Variants in HSD17B3 observed in about 807,000 individuals in gnomAD.
HSD17B3 encodes the protein 17-beta-hydroxysteroid dehydrogenase type 3.
HSD17B3 carries 29 observed loss-of-function variants against 41.1 expected under a neutral mutation model. That is an observed-to-expected ratio of 0.71 (90% CI 0.53 to 0.96). The LOEUF (loss-of-function observed/expected upper bound fraction) is 0.96, where lower values mean the gene tolerates loss of function less well. HSD17B3 is among the 40% of genes least tolerant of loss of function. The probability of loss-of-function intolerance (pLI) is 0.00; values close to 1 mark genes in which losing one functional copy is unlikely to be tolerated. For synonymous variants in HSD17B3, 126 were observed against 145.6 expected, an observed-to-expected ratio of 0.87 and a Z score of 0.97; for missense variants, 323 against 374.6, an observed-to-expected ratio of 0.86 and a Z score of 1.14.
At chr9:96,282,824 G>A (rs568852787) in intron 2 of HSD17B3, among the ~76,000 whole-genome samples, 1 of 152,200 alleles carries the variant, frequency 6.6e-6, no homozygotes, top group South Asian at 2.1e-4. Flanking sequence ...GGATTTTTCT[G>A]CCTGGATTAA....
In HSD17B3 at chr9:96,277,835, GCACA is replaced by G. The variant is rs3222260; in HGVS notation, c.201+20577_201+20580del. On this transcript the variant is annotated intron_variant, in intron 2 of 10. Coordinates refer to ENST00000375263, the MANE Select transcript of HSD17B3 (RefSeq NM_000197.2). ...TTAACAGATGAATAAGGAAAATGTGGCACACACACACACACACACACACACACAC... is the reference window on the plus strand; with the variant it reads ...TTAACAGATGAATAAGGAAAATGTGGCACACACACACACACACACACACAC... Among the ~76,000 whole-genome samples the G allele has an allele frequency of 6.8e-3, 992 of 145,976 alleles. 14 individuals are homozygous for G. Among genetic ancestry groups the G allele is most frequent in the East Asian group, 0.056 (282 of 5,012 alleles).
At chr9:96,301,864 G>C in intron 1 of HSD17B3, 87 bp downstream of exon 1, 3 of 1,439,408 alleles carry the variant, frequency 2.1e-6, no homozygotes, top group Admixed American at 1.7e-5. Context: ...CTGGGTGACA[G>C]AGCAAGTGTC....
At chr9:96,297,083 A>G (rs1827389121) in intron 2 of HSD17B3, among the ~76,000 whole-genome samples, 1 of 151,794 alleles carries the variant, frequency 6.6e-6, no homozygotes, top group African/African-American at 2.4e-5. Context: ...CAACTAATGT[A>G]ACATTTAAAA....
At chr9:96,269,625 C>T (rs1468224987) in intron 2 of HSD17B3, among the ~76,000 whole-genome samples, 4 of 152,036 alleles carry the variant, frequency 2.6e-5, no homozygotes, top group South Asian at 2.1e-4. Flanking sequence ...CAGATTAGGC[C>T]GGGTGTGATG....
At chr9:96,250,379 C>A (rs1261123315) in intron 5 of HSD17B3, 1 of 1,071,272 alleles carries the variant, frequency 9.3e-7, no homozygotes, top group African/African-American at 1.6e-5. Context: ...GATGTGTGGT[C>A]CAGAGAGGAG....
At chr9:96,243,187 T>A (rs892400607) in intron 9 of HSD17B3, among the ~76,000 whole-genome samples, 1 of 152,202 alleles carries the variant, frequency 6.6e-6, no homozygotes, top group Non-Finnish European at 1.5e-5. Context: ...TAGGGGTTAT[T>A]TTTTTACTGC....
chr9:96,249,790 TAATA>T lies in HSD17B3; in HGVS notation c.454-8_454-5del. The T allele has an allele frequency of 6.2e-7, 1 of 1,614,144 alleles. No individual in the cohort carries two copies. The highest frequency in any genetic ancestry group is 2.2e-5 in the East Asian group (1 of 44,882). The stretch of plus-strand genomic sequence containing the variant: ...TGATGTTACAATGGATGAGGCTCTG[TAATA>T]AATAATCACAACCACACATCAGCCG... On this transcript the variant is annotated splice_polypyrimidine_tract_variant and splice_region_variant and intron_variant, in intron 5 of 10. Transcript: ENST00000375263.
chr9:96,276,930 G>A (rs908608273), intron 2 of HSD17B3, among the ~76,000 whole-genome samples: 8 of 152,166 alleles, frequency 5.3e-5, no homozygotes, highest in South Asian at 2.1e-4. Context: ...GGCCAGGTGC[G>A]GTGGCTCACA....
chr9:96,268,073 C>T (rs538842718), intron 2 of HSD17B3, among the ~76,000 whole-genome samples: 66 of 152,184 alleles, frequency 4.3e-4, no homozygotes, highest in Admixed American at 1.0e-3. Flanking sequence ...AACAGGTGCA[C>T]GCCACCACGC....
chr9:96,299,192 A>G (rs1376776415), intron 1 of HSD17B3, among the ~76,000 whole-genome samples: 3 of 152,220 alleles, frequency 2.0e-5, no homozygotes, highest in African/African-American at 7.2e-5. Flanking sequence ...ACAATTCGGT[A>G]TATCGTAAAA....
At chr9:96,245,301 TA>T (rs1257710402) in intron 8 of HSD17B3, 43 bp downstream of exon 8, 70 of 1,462,182 alleles carry the variant, frequency 4.8e-5, no homozygotes, top group Non-Finnish European at 6.4e-5. Flanking sequence ...CTGGGAGAAA[TA>T]AGAGGAAGAA....
chr9:96,239,764 G>C (rs544159009), intron 10 of HSD17B3: 2 of 152,320 alleles, frequency 1.3e-5, no homozygotes, highest in South Asian at 2.1e-4. Flanking sequence ...TGGGACTGGA[G>C]TCAGAGCTAT....
At chr9:96,261,901 T>G (rs1825875436) in intron 2 of HSD17B3, among the ~76,000 whole-genome samples, 1 of 152,112 alleles carries the variant, frequency 6.6e-6, no homozygotes, top group African/African-American at 2.4e-5. Flanking sequence ...GTCCTAGCTG[T>G]GGGGAGGGGA....
In HSD17B3 at chr9:96,285,079, T is replaced by A. The variant is rs1416761863; in HGVS notation, c.201+13337A>T. Among the ~76,000 whole-genome samples, 5 of 152,184 alleles carry A rather than the reference T, an allele frequency of 3.3e-5. No individual in the cohort carries two copies. In the East Asian group the frequency reaches 7.7e-4, roughly 23 times the overall value. ...GTCTTGAGCTCCTCATCTCAAGTGA[T>A]CTGCCTGCCTCAGCCTCCCTAAGTG... On this transcript the variant is annotated intron_variant, in intron 2 of 10. Transcript: ENST00000375263.
chr9:96,270,332 T>C (rs915305394), intron 2 of HSD17B3, among the ~76,000 whole-genome samples: 19 of 152,120 alleles, frequency 1.2e-4, no homozygotes, highest in African/African-American at 4.6e-4. Context: ...TGCTATAATG[T>C]ACTTAGGATA....
At chr9:96,281,508 TA>T (rs1218667964) in intron 2 of HSD17B3, among the ~76,000 whole-genome samples, 1 of 152,176 alleles carries the variant, frequency 6.6e-6, no homozygotes, top group Non-Finnish European at 1.5e-5. Context: ...TTAGGAGGGT[TA>T]GAGTCCCTTC....
rs67271328 is a variant in HSD17B3, at chr9:96,289,192, GGTGTGTGTGTGTGTGT to G, written c.201+9208_201+9223del. Among the ~76,000 whole-genome samples, 1,363 of 148,220 alleles carry G rather than the reference GGTGTGTGTGTGTGTGT, an allele frequency of 9.2e-3. 27 individuals are homozygous for G. Among genetic ancestry groups the G allele is most frequent in the South Asian group, 0.066 (305 of 4,636 alleles). On this transcript the variant is annotated intron_variant, in intron 2 of 10. Coordinates refer to ENST00000375263, the MANE Select transcript of HSD17B3 (RefSeq NM_000197.2). ...TGTTTCTTTAAACAGTTGATTTCCT[GGTGTGTGTGTGTGTGT>G]GTGTGTGTGTGTATGTGTGTGTGTA...
In HSD17B3 at chr9:96,235,473, G is replaced by C. The variant is rs1836197650; in HGVS notation, c.920C>G (p.Thr307Ser). Reference sequence around the variant, plus strand: ...CTCACCGCCTGGCTACCTGACCTTGGTGTTGAGCTTCAGGTATGCCACATA... The same window carrying C: ...CTCACCGCCTGGCTACCTGACCTTGCTGTTGAGCTTCAGGTATGCCACATA... ...THYVAYLKLN[T>S]KVR Residue 307 changes from threonine to serine, a missense_variant, in exon 11 of 11, where the codon ACC becomes AGC. Transcript: ENST00000375263. 6.2e-7 allele frequency: 1 copy of C among 1,612,614 alleles called. No homozygotes were observed. Among genetic ancestry groups the C allele is most frequent in the Non-Finnish European group, 8.5e-7 (1 of 1,178,874 alleles).
intron 1 of HSD17B3, among the ~76,000 whole-genome samples, chr9:96,301,307 G>C (rs1046340893): frequency 6.6e-6 from 1 of 151,638 alleles, no homozygotes; most frequent in Non-Finnish European, 1.5e-5. Context: ...GGCTGGGTGC[G>C]GTGGCTCACG....
Sources: gnomAD v4.1 joint callset for allele counts (sites outside exome capture counted in the v4.1 genomes callset) on GRCh38, gnomAD v4.1.1 for gene constraint, MANE v1.5 for transcripts, NCBI Gene and HGNC (gene_info 2026-07-23, HGNC 2026-07-21) for gene names.